Variants in CTNNA2 observed in about 807,000 individuals in gnomAD.
CTNNA2 encodes catenin alpha 2.
In CTNNA2, 42 loss-of-function variants were observed where a neutral mutation model predicts 101.0. That is an observed-to-expected ratio of 0.42 (90% CI 0.32 to 0.54). The LOEUF is 0.54. Among genes scored for constraint, CTNNA2 ranks in the 20% least tolerant of loss-of-function variants. CTNNA2 has a pLI of 0.14. For synonymous variants in CTNNA2, 450 were observed against 456.4 expected, an observed-to-expected ratio of 0.99 and a Z score of 0.18; for missense variants, 871 against 1,223.1, an observed-to-expected ratio of 0.71 and a Z score of 4.29.
chr2:79,860,175 C>T (rs986095452), intron 4 of CTNNA2, among the ~76,000 whole-genome samples: 10 of 152,156 alleles, frequency 6.6e-5, no homozygotes, highest in African/African-American at 2.4e-4. Context: ...TCTCCGAAGG[C>T]GATATTTTTA....
chr2:80,632,978 G>C (rs1007470273), intron 18 of CTNNA2, among the ~76,000 whole-genome samples: 11 of 152,282 alleles, frequency 7.2e-5, no homozygotes, highest in African/African-American at 2.4e-4. Flanking sequence ...AAGTGGGACA[G>C]CCAAGACTTA....
At chr2:79,707,017 C>T (rs1233757330) in intron 2 of CTNNA2, among the ~76,000 whole-genome samples, 1 of 152,058 alleles carries the variant, frequency 6.6e-6, no homozygotes, top group Admixed American at 6.6e-5. Flanking sequence ...GAAGGAATTC[C>T]TACTTTGTAT....
At chr2:80,266,270 T>C (rs1672993958) in intron 7 of CTNNA2, among the ~76,000 whole-genome samples, 1 of 152,188 alleles carries the variant, frequency 6.6e-6, no homozygotes, top group Non-Finnish European at 1.5e-5. Flanking sequence ...GGGATCTTCT[T>C]GCCTAAGGGA....
In CTNNA2 at chr2:79,545,463, T is replaced by G. The variant is rs150689519; in HGVS notation, c.-6+32256T>G. Among the ~76,000 whole-genome samples, 486 of 152,282 alleles carry G rather than the reference T, an allele frequency of 3.2e-3. 1 individual carries two copies. The highest frequency in any genetic ancestry group is 0.011 in the African/African-American group (465 of 41,560). ...TATGAACTATGTATATGCCAACTGTTACACGAGAGAAAAAGGAACTGGTTT... is the reference window on the plus strand; with the variant it reads ...TATGAACTATGTATATGCCAACTGTGACACGAGAGAAAAAGGAACTGGTTT... On this transcript the variant is annotated intron_variant, in intron 1 of 18. Transcript: ENST00000402739.
intron 9 of CTNNA2, among the ~76,000 whole-genome samples, chr2:80,460,622 A>G (rs998108439): frequency 6.6e-6 from 1 of 152,072 alleles, no homozygotes. Flanking sequence ...TATTCATTTT[A>G]TGAATCTTAC....
At chr2:79,828,103 G>A (rs1182551425) in intron 3 of CTNNA2, among the ~76,000 whole-genome samples, 1 of 152,108 alleles carries the variant, frequency 6.6e-6, no homozygotes, top group Non-Finnish European at 1.5e-5. Context: ...TACATATGAG[G>A]TTAAAGGAAA....
intron 4 of CTNNA2, among the ~76,000 whole-genome samples, chr2:79,858,852 A>G (rs1410426389): frequency 6.6e-6 from 1 of 151,808 alleles, no homozygotes; most frequent in Non-Finnish European, 1.5e-5. Flanking sequence ...TTTGTTTCCT[A>G]ATAGAGGTGA....
chr2:80,159,563 A>G (rs1017820988), intron 7 of CTNNA2, among the ~76,000 whole-genome samples: 1 of 152,050 alleles, frequency 6.6e-6, no homozygotes. Flanking sequence ...GTCCCTTCAT[A>G]TCTTTTGTCC....
At chr2:79,513,623 G>C (rs566728888) in intron 1 of CTNNA2, among the ~76,000 whole-genome samples, 2 of 152,150 alleles carry the variant, frequency 1.3e-5, no homozygotes, top group African/African-American at 4.8e-5. Flanking sequence ...TTAAACAGCG[G>C]GTGCCCTGCA....
intron 18 of CTNNA2, among the ~76,000 whole-genome samples, chr2:80,634,458 A>AGAAACCAGTATTTAGG (rs1672646140): frequency 6.6e-6 from 1 of 150,914 alleles, no homozygotes; most frequent in Admixed American, 6.6e-5. Flanking sequence ...GCAGTAAACA[A>AGAAACCAGTATTTAGG]GAAACCAGTA....
chr2:79,577,696 A>G (rs1480328018), intron 1 of CTNNA2, among the ~76,000 whole-genome samples: 1 of 152,014 alleles, frequency 6.6e-6, no homozygotes, highest in East Asian at 1.9e-4. Flanking sequence ...TTGAAACCTT[A>G]TTAGGTCAGG....
At position 79,277,381 on chromosome 2, in the gene CTNNA2, T is replaced by A. The variant is rs1329952583; in HGVS notation, c.-405-35328T>A. Among the ~76,000 whole-genome samples, 3 of 152,046 alleles carry A rather than the reference T, an allele frequency of 2.0e-5. No individual in the cohort carries two copies. The East Asian group carries it at 5.8e-4, about 30-fold the overall frequency. ...TCATTTATTAAAAGCTGAATTCCAA[T>A]ATCAGCCATAGGTGATTCCTACATC... is the stretch of plus-strand genomic sequence containing the variant. On this transcript the variant is annotated intron_variant, in intron 2 of 21. Transcript: ENST00000466387.
At chr2:80,115,711 C>T (rs1701475110) in intron 7 of CTNNA2, among the ~76,000 whole-genome samples, 1 of 152,008 alleles carries the variant, frequency 6.6e-6, no homozygotes, top group African/African-American at 2.4e-5. Context: ...GGTGCTATTT[C>T]AAGAGTGAAC....
intron 2 of CTNNA2, among the ~76,000 whole-genome samples, chr2:79,701,816 A>G (rs779218914): frequency 1.3e-5 from 2 of 152,116 alleles, no homozygotes; most frequent in Non-Finnish European, 1.5e-5. Flanking sequence ...AGCCTGGTCA[A>G]CATGGTGAAA....
chr2:79,997,668 C>T (rs1692654272), intron 7 of CTNNA2, among the ~76,000 whole-genome samples: 1 of 152,214 alleles, frequency 6.6e-6, no homozygotes. Flanking sequence ...ACAGCAAAGA[C>T]TTCCAGAAGA....
chr2:79,852,316 G>A (rs1240121816), intron 3 of CTNNA2, among the ~76,000 whole-genome samples: 1 of 152,026 alleles, frequency 6.6e-6, no homozygotes, highest in African/African-American at 2.4e-5. Flanking sequence ...TTCTCTTAAG[G>A]AGCACATATT....
intron 7 of CTNNA2, among the ~76,000 whole-genome samples, chr2:80,149,787 C>T (rs946116554): frequency 1.4e-5 from 2 of 139,364 alleles, no homozygotes; most frequent in South Asian, 4.2e-4. Context: ...CACACACACA[C>T]ACACACACAC....
At chr2:79,345,097 G>A (rs1436779616) in intron 3 of CTNNA2, among the ~76,000 whole-genome samples, 2 of 56,402 alleles carry the variant, frequency 3.5e-5, no homozygotes, top group Non-Finnish European at 7.3e-5. Flanking sequence ...ATTATGGAAT[G>A]TGTTTTTTTT....
chr2:80,347,837 TC>T (rs1350838114), intron 7 of CTNNA2, among the ~76,000 whole-genome samples: 1 of 134,984 alleles, frequency 7.4e-6, no homozygotes, highest in African/African-American at 3.0e-5. Flanking sequence ...CTTTTTCTTT[TC>T]TTTTCTTTTT....
Sources: allele counts gnomAD v4.1 joint callset (sites outside exome capture counted in the v4.1 genomes callset), GRCh38; gene constraint gnomAD v4.1.1; transcripts MANE v1.5; gene names NCBI Gene and HGNC (gene_info 2026-07-23, HGNC 2026-07-21).